Variants in TBC1D22A observed in about 807,000 individuals in gnomAD.
TBC1D22A encodes the protein putative GTPase activator.
Under a neutral mutation model 60.2 loss-of-function variants are expected in TBC1D22A, and 38 were observed. The observed-to-expected ratio is 0.63, with a 90% confidence interval of 0.49 to 0.83. TBC1D22A has a LOEUF of 0.83. TBC1D22A is among the 40% of genes least tolerant of loss of function. The pLI is 0.00. For synonymous variants in TBC1D22A, 302 were observed against 281.7 expected (o/e 1.07, Z -0.72); for missense variants, 628 against 701.0 (o/e 0.90, Z 1.18).
At chr22:46,960,571 CT>C (rs1235416034) in intron 8 of TBC1D22A, among the ~76,000 whole-genome samples, 1 of 152,182 alleles carries the variant, frequency 6.6e-6, no homozygotes, top group African/African-American at 2.4e-5. Context: ...CTCTTGGCGT[CT>C]TTTGGCCCTT....
At chr22:47,160,095 C>G (rs1265306652) in intron 12 of TBC1D22A, among the ~76,000 whole-genome samples, 3 of 152,178 alleles carry the variant, frequency 2.0e-5, no homozygotes, top group Non-Finnish European at 4.4e-5. Flanking sequence ...GGGGGAAGGG[C>G]AGGGGAGGCC....
intron 7 of TBC1D22A, among the ~76,000 whole-genome samples, chr22:46,906,619 A>T (rs1413263761): frequency 6.6e-6 from 1 of 152,212 alleles, no homozygotes; most frequent in Non-Finnish European, 1.5e-5. Flanking sequence ...GCTTGGAAAT[A>T]GGAAGGCTTT....
intron 11 of TBC1D22A, among the ~76,000 whole-genome samples, chr22:47,062,176 AG>A (rs2063605654): frequency 6.7e-6 from 1 of 149,976 alleles, no homozygotes; most frequent in South Asian, 2.1e-4. Flanking sequence ...TTGTTTTCCC[AG>A]GGTTCCGGCA....
At chr22:46,917,255 A>G (rs2070429690) in intron 8 of TBC1D22A, among the ~76,000 whole-genome samples, 1 of 152,208 alleles carries the variant, frequency 6.6e-6, no homozygotes, top group Non-Finnish European at 1.5e-5. Flanking sequence ...AGAATAACAT[A>G]GGGTCCAGGG....
At chr22:47,064,153 G>A (rs7292811) in intron 11 of TBC1D22A, among the ~76,000 whole-genome samples, 71,633 of 152,126 alleles carry the variant, frequency 0.47, 17,578 homozygotes, top group East Asian at 0.58. Flanking sequence ...ACAGGCCCTC[G>A]TGGAGCAGGG....
intron 8 of TBC1D22A, among the ~76,000 whole-genome samples, chr22:46,921,083 T>C (rs181189926): frequency 6.6e-6 from 1 of 152,346 alleles, no homozygotes; most frequent in East Asian, 1.9e-4. Context: ...TATGTTGTTA[T>C]TATTTTTTAA....
intron 11 of TBC1D22A, among the ~76,000 whole-genome samples, chr22:47,043,087 G>A (rs1305125029): frequency 1.3e-5 from 2 of 152,246 alleles, no homozygotes; most frequent in African/African-American, 2.4e-5. Context: ...AGGTGGGCCT[G>A]CTGTCGAGGG....
At chr22:46,956,558 C>T (rs1274137141) in intron 8 of TBC1D22A, among the ~76,000 whole-genome samples, 1 of 152,240 alleles carries the variant, frequency 6.6e-6, no homozygotes, top group Non-Finnish European at 1.5e-5. Context: ...AGAGAAGCCA[C>T]TTCCTTTTCA....
intron 10 of TBC1D22A, among the ~76,000 whole-genome samples, chr22:47,016,853 C>T (rs1305110333): frequency 1.4e-5 from 2 of 147,054 alleles, no homozygotes; most frequent in Admixed American, 1.3e-4. Context: ...AGAGCTGCTG[C>T]GTGGCTGTTG....
intron 12 of TBC1D22A, among the ~76,000 whole-genome samples, chr22:47,127,938 A>G (rs149296271): frequency 0.052 from 1,727 of 33,444 alleles, 65 homozygotes; most frequent in African/African-American, 0.17. Context: ...CCACCCACCC[A>G]TCCTCTCCTC....
At chr22:47,059,277 G>T (rs936089352) in intron 11 of TBC1D22A, among the ~76,000 whole-genome samples, 1 of 152,232 alleles carries the variant, frequency 6.6e-6, no homozygotes, top group Non-Finnish European at 1.5e-5. Context: ...GTGTGGGTGC[G>T]CACGCGTCTG....
At chr22:46,768,466 C>T (rs1189113255) in intron 1 of TBC1D22A, among the ~76,000 whole-genome samples, 1 of 111,330 alleles carries the variant, frequency 9.0e-6, no homozygotes. Flanking sequence ...GCCTGGGCAA[C>T]AGAGCGAGAC....
intron 8 of TBC1D22A, among the ~76,000 whole-genome samples, chr22:46,935,336 T>A (rs575239146): frequency 7.9e-5 from 12 of 152,212 alleles, no homozygotes; most frequent in Non-Finnish European, 7.4e-5. Context: ...CTGGAGTACA[T>A]GAGAAAAAAT....
rs138456639 is a variant in TBC1D22A, at chr22:46,840,068, A to G, written c.638-38585A>G. Among the ~76,000 whole-genome samples the G allele has an allele frequency of 1.0e-3, 154 of 152,352 alleles. 1 individual carries two copies. The East Asian group carries it at 0.023, about 22-fold the overall frequency. On this transcript the variant is annotated intron_variant, in intron 4 of 12. Coordinates refer to ENST00000337137, the MANE Select transcript of TBC1D22A (RefSeq NM_014346.5). ...CCTTTTTAGATATGACACCAAAAACATAAAACATAAGCAAAAATAGACAAA... is the reference window on the plus strand; with the variant it reads ...CCTTTTTAGATATGACACCAAAAACGTAAAACATAAGCAAAAATAGACAAA...
intron 4 of TBC1D22A, among the ~76,000 whole-genome samples, 180 bp downstream of exon 4, chr22:46,797,800 A>G (rs933413373): frequency 6.6e-6 from 1 of 152,232 alleles, no homozygotes; most frequent in Non-Finnish European, 1.5e-5. Context: ...GGTAGTAGCA[A>G]TTTGTGCTTT....
chr22:46,908,033 A>G (rs2069616682), intron 7 of TBC1D22A, among the ~76,000 whole-genome samples: 1 of 152,216 alleles, frequency 6.6e-6, no homozygotes, highest in African/African-American at 2.4e-5. Flanking sequence ...GGCCAGGCAC[A>G]CACCTGAAGC....
At chr22:47,104,594 C>G (rs1334876796) in intron 11 of TBC1D22A, among the ~76,000 whole-genome samples, 2 of 151,010 alleles carry the variant, frequency 1.3e-5, no homozygotes, top group East Asian at 3.9e-4. Context: ...ACCCCAGAGG[C>G]TGAGGCAGGA....
Position 46,849,545 on chromosome 22 carries a change from A to G in TBC1D22A, c.638-29108A>G, listed in dbSNP as rs1220823791. Among the ~76,000 whole-genome samples the G allele has an allele frequency of 2.0e-5, 3 of 151,996 alleles. No individual in the cohort carries two copies. The East Asian group carries it at 5.8e-4, about 29-fold the overall frequency. ...GTCCTGGGCTGGACAGGTGACTCAGATTCATCTGTCTTTTTACTCTCATCC... is the reference window on the plus strand; with the variant it reads ...GTCCTGGGCTGGACAGGTGACTCAGGTTCATCTGTCTTTTTACTCTCATCC... On this transcript the variant is annotated intron_variant, in intron 4 of 12. Coordinates refer to ENST00000337137, the MANE Select transcript of TBC1D22A (RefSeq NM_014346.5).
At chr22:46,940,037 G>A (rs1243773705) in intron 8 of TBC1D22A, among the ~76,000 whole-genome samples, 2 of 152,212 alleles carry the variant, frequency 1.3e-5, no homozygotes, top group African/African-American at 4.8e-5. Flanking sequence ...AAGAAAGGGA[G>A]TACTGCGAGA....
Sources: allele counts gnomAD v4.1 joint callset (sites outside exome capture counted in the v4.1 genomes callset), GRCh38; gene constraint gnomAD v4.1.1; transcripts MANE v1.5; gene names NCBI Gene and HGNC (gene_info 2026-07-23, HGNC 2026-07-21).